The following KCNH8 variants were observed in gnomAD, a reference collection of about 807,000 sequenced individuals.
The protein encoded by KCNH8 is voltage-gated delayed rectifier potassium channel KCNH8.
KCNH8 carries 70 observed loss-of-function variants against 103.6 expected under a neutral mutation model. The observed-to-expected ratio is 0.68, with a 90% CI of 0.56 to 0.82. The LOEUF (loss-of-function observed/expected upper bound fraction) is 0.82. Ranked by LOEUF, KCNH8 falls within the 40% of genes least tolerant of loss-of-function variation. KCNH8 has a pLI of 0.00. For synonymous variants in KCNH8, 498 were observed against 489.4 expected (o/e 1.02, Z -0.23); for missense variants, 1,217 against 1,329.9 (o/e 0.92, Z 1.32).
intron 10 of KCNH8, among the ~76,000 whole-genome samples, chr3:19,451,644 TTTAG>T (rs1355337199): frequency 6.6e-6 from 1 of 152,186 alleles, no homozygotes; most frequent in African/African-American, 2.4e-5. Context: ...TAAATAGTAC[TTTAG>T]TTAACTAGCC....
At chr3:19,287,896 T>C (rs2064855895) in intron 3 of KCNH8, among the ~76,000 whole-genome samples, 1 of 152,118 alleles carries the variant, frequency 6.6e-6, no homozygotes, top group African/African-American at 2.4e-5. Flanking sequence ...ACATTCGACT[T>C]TCTAACTACC....
chr3:19,463,564 C>T (rs911252393), intron 11 of KCNH8, among the ~76,000 whole-genome samples: 2 of 151,982 alleles, frequency 1.3e-5, no homozygotes, highest in South Asian at 2.1e-4. Context: ...AAAACAAAGG[C>T]GTAAACTTTT....
chr3:19,521,012 C>T (rs1311464947), intron 15 of KCNH8, among the ~76,000 whole-genome samples: 2 of 152,106 alleles, frequency 1.3e-5, no homozygotes, highest in East Asian at 1.9e-4. Flanking sequence ...AACGCTTTGA[C>T]CACATTGCCA....
chr3:19,477,151 G>C (rs1575113770), intron 11 of KCNH8, among the ~76,000 whole-genome samples: 1 of 152,212 alleles, frequency 6.6e-6, no homozygotes, highest in South Asian at 2.1e-4. Flanking sequence ...TGTTATTTAA[G>C]TATATGGCCT....
At chr3:19,278,089 G>A (rs1559455451) in intron 2 of KCNH8, among the ~76,000 whole-genome samples, 2 of 152,118 alleles carry the variant, frequency 1.3e-5, no homozygotes, top group East Asian at 1.9e-4. Context: ...CCAGATCCTG[G>A]AGAATAGTCT....
chr3:19,224,608 A>G (rs2063909672), intron 1 of KCNH8, among the ~76,000 whole-genome samples: 1 of 144,350 alleles, frequency 6.9e-6, no homozygotes. Context: ...TGGCATGATC[A>G]TAGCTTACTG....
At chr3:19,519,136 G>C (rs1271724959) in intron 15 of KCNH8, among the ~76,000 whole-genome samples, 3 of 151,864 alleles carry the variant, frequency 2.0e-5, no homozygotes, top group Non-Finnish European at 4.4e-5. Flanking sequence ...GGCTCTTCAG[G>C]CAGGCCTGAA....
At chr3:19,311,535 A>AT (rs954616133) in intron 3 of KCNH8, among the ~76,000 whole-genome samples, 1 of 151,714 alleles carries the variant, frequency 6.6e-6, no homozygotes, top group Non-Finnish European at 1.5e-5. Context: ...TGTCATAGAC[A>AT]TTTTTTGCCT....
intron 1 of KCNH8, among the ~76,000 whole-genome samples, chr3:19,180,693 GT>G (rs948791071): frequency 9.9e-5 from 15 of 151,564 alleles, no homozygotes; most frequent in Non-Finnish European, 1.9e-4. Flanking sequence ...TTGTTTGTTT[GT>G]TTTTTTGTTT....
intron 5 of KCNH8, among the ~76,000 whole-genome samples, chr3:19,378,461 A>AT (rs1416182401): frequency 6.6e-6 from 1 of 152,138 alleles, no homozygotes; most frequent in Non-Finnish European, 1.5e-5. Flanking sequence ...ATTAGAAGCA[A>AT]TTTTTCCCAT....
At chr3:19,442,020 A>G (rs1237472900) in intron 8 of KCNH8, among the ~76,000 whole-genome samples, 1 of 152,198 alleles carries the variant, frequency 6.6e-6, no homozygotes, top group African/African-American at 2.4e-5. Flanking sequence ...GGAAGTTCAG[A>G]AGCAGTGAGA....
At chr3:19,331,944 G>C (rs1166672326) in intron 3 of KCNH8, among the ~76,000 whole-genome samples, 1 of 151,990 alleles carries the variant, frequency 6.6e-6, no homozygotes, top group Non-Finnish European at 1.5e-5. Context: ...TGTTTTACTT[G>C]TGAAGATCCA....
chr3:19,447,263 AT>A (rs1016426128), intron 8 of KCNH8, among the ~76,000 whole-genome samples: 1 of 151,944 alleles, frequency 6.6e-6, no homozygotes, highest in Non-Finnish European at 1.5e-5. Context: ...CCAGAATTTT[AT>A]TTTTTTAACT....
chr3:19,163,230 ATAT>A (rs200427130), intron 1 of KCNH8, among the ~76,000 whole-genome samples: 2,870 of 151,260 alleles, frequency 0.019, 31 homozygotes, highest in Middle Eastern at 0.028. Context: ...ATATAATAAA[ATAT>A]TATTGTGTTT....
At position 19,375,426 on chromosome 3, in the gene KCNH8, G is replaced by A. The variant is rs1427927260; in HGVS notation, c.812-15055G>A. 8.6e-5 allele frequency among the ~76,000 whole-genome samples: 13 copies of A among 151,074 alleles called. No homozygotes were observed. The South Asian group carries it at 2.1e-3, about 25-fold the overall frequency. On this transcript the variant is annotated intron_variant, in intron 5 of 15. Coordinates refer to ENST00000328405, the MANE Select transcript of KCNH8 (RefSeq NM_144633.3). ...CTCCTGAGGCTTCTGCATTCTTCAC[G>A]TAGTTCTCAAGCCTTGGTTTTCAGC...
chr3:19,250,992 A>C (rs1482086249), intron 1 of KCNH8, among the ~76,000 whole-genome samples: 1 of 152,134 alleles, frequency 6.6e-6, no homozygotes, highest in Non-Finnish European at 1.5e-5. Context: ...TTTTTTTAGG[A>C]TGTGTAGTAC....
intron 15 of KCNH8, among the ~76,000 whole-genome samples, chr3:19,526,094 G>A (rs542507302): frequency 3.9e-5 from 6 of 151,956 alleles, no homozygotes; most frequent in South Asian, 2.1e-4. Context: ...TTAATTTACC[G>A]AATCATAGCT....
intron 3 of KCNH8, among the ~76,000 whole-genome samples, chr3:19,302,284 C>T (rs1020346213): frequency 6.6e-6 from 1 of 152,144 alleles, no homozygotes; most frequent in African/African-American, 2.4e-5. Context: ...TCCTCTCACT[C>T]CATCCCTTTG....
At chr3:19,466,249 T>G (rs1186685655) in intron 11 of KCNH8, among the ~76,000 whole-genome samples, 1 of 152,074 alleles carries the variant, frequency 6.6e-6, no homozygotes, top group Non-Finnish European at 1.5e-5. Context: ...TATGAATGAG[T>G]GAAGTGGTTT....
Sources: gnomAD v4.1 joint callset for allele counts (sites outside exome capture counted in the v4.1 genomes callset) on GRCh38, gnomAD v4.1.1 for gene constraint, MANE v1.5 for transcripts, NCBI Gene and HGNC (gene_info 2026-07-23, HGNC 2026-07-21) for gene names.